Variants in PPFIA2 observed in about 807,000 individuals in gnomAD.
PPFIA2 encodes the protein PPFI scaffold protein A2, also known as liprin-alpha-2.
A neutral mutation model predicts 175.5 loss-of-function variants in PPFIA2; 46 were observed. The observed-to-expected ratio is 0.26, with a 90% CI of 0.21 to 0.34. PPFIA2 has a LOEUF of 0.34. Ranked by LOEUF, PPFIA2 falls within the 10% of genes least tolerant of loss-of-function variation. The pLI, the probability that PPFIA2 is intolerant of heterozygous loss-of-function variation, is 1.00. For synonymous variants in PPFIA2, 568 were observed against 511.4 expected, an observed-to-expected ratio of 1.11 and a Z score of -1.49; for missense variants, 1,179 against 1,506.1, an observed-to-expected ratio of 0.78 and a Z score of 3.60.
At chr12:81,460,346 T>TTG (rs1240822025) in intron 4 of PPFIA2, among the ~76,000 whole-genome samples, 1 of 152,116 alleles carries the variant, frequency 6.6e-6, no homozygotes, top group Non-Finnish European at 1.5e-5. Flanking sequence ...TCCACCATGA[T>TTG]TGTGTGGCCT....
chr12:81,631,521 T>C (rs1567642523), intron 4 of PPFIA2, among the ~76,000 whole-genome samples: 1 of 152,190 alleles, frequency 6.6e-6, no homozygotes, highest in Non-Finnish European at 1.5e-5. Context: ...TTGTATAAAA[T>C]TATAAATTCT....
intron 5 of PPFIA2, among the ~76,000 whole-genome samples, chr12:81,456,987 G>C (rs954248761): frequency 2.0e-5 from 3 of 148,838 alleles, no homozygotes; most frequent in African/African-American, 2.5e-5. Flanking sequence ...ACTATTTTTT[G>C]TTTCCTTTTT....
At chr12:81,504,274 T>C (rs1417149093) in intron 4 of PPFIA2, among the ~76,000 whole-genome samples, 1 of 152,036 alleles carries the variant, frequency 6.6e-6, no homozygotes, top group Non-Finnish European at 1.5e-5. Flanking sequence ...ATCTAGAATC[T>C]ACAAGGAACT....
At chr12:81,585,003 T>TATATATG (rs565999412) in intron 4 of PPFIA2, among the ~76,000 whole-genome samples, 6 of 113,950 alleles carry the variant, frequency 5.3e-5, no homozygotes, top group African/African-American at 1.8e-4. Context: ...TATAATATAT[T>TATATATG]AATTATATTT....
At chr12:81,280,341 A>G (rs2041785324) in intron 27 of PPFIA2, among the ~76,000 whole-genome samples, 1 of 152,164 alleles carries the variant, frequency 6.6e-6, no homozygotes, top group Non-Finnish European at 1.5e-5. Context: ...ATTTAATTCA[A>G]CAGTGTCAAC....
At chr12:81,619,887 C>T (rs1225798430) in intron 4 of PPFIA2, among the ~76,000 whole-genome samples, 2 of 152,054 alleles carry the variant, frequency 1.3e-5, no homozygotes, top group African/African-American at 2.4e-5. Flanking sequence ...AGGCCAGGCG[C>T]GGTGGCTCAC....
At chr12:81,465,776 T>A (rs1292189268) in intron 4 of PPFIA2, among the ~76,000 whole-genome samples, 2 of 152,258 alleles carry the variant, frequency 1.3e-5, no homozygotes, top group East Asian at 3.9e-4. Flanking sequence ...AACAAAAAGA[T>A]AATATATTTC....
At chr12:81,400,872 T>C (rs886306262) in intron 8 of PPFIA2, among the ~76,000 whole-genome samples, 4 of 152,152 alleles carry the variant, frequency 2.6e-5, no homozygotes, top group African/African-American at 9.7e-5. Context: ...TGTATGGTCA[T>C]TGAAGGATCA....
At chr12:81,404,792 C>T (rs2042644911) in intron 8 of PPFIA2, among the ~76,000 whole-genome samples, 1 of 152,010 alleles carries the variant, frequency 6.6e-6, no homozygotes, top group Non-Finnish European at 1.5e-5. Flanking sequence ...TTTTTCTAAC[C>T]ACATAAGTGA....
intron 5 of PPFIA2, among the ~76,000 whole-genome samples, chr12:81,456,387 T>C (rs1489658105): frequency 1.3e-5 from 2 of 152,182 alleles, no homozygotes; most frequent in Admixed American, 1.3e-4. Context: ...TATGCATGTA[T>C]GTGAATTCTC....
chr12:81,482,564 C>T (rs1260014983), intron 4 of PPFIA2, among the ~76,000 whole-genome samples: 1 of 151,980 alleles, frequency 6.6e-6, no homozygotes, highest in African/African-American at 2.4e-5. Context: ...GCCATAAAAA[C>T]GGATGAGTTC....
intron 4 of PPFIA2, among the ~76,000 whole-genome samples, chr12:81,517,471 T>G (rs2062602952): frequency 6.6e-6 from 1 of 152,146 alleles, no homozygotes; most frequent in Non-Finnish European, 1.5e-5. Context: ...TCCTCAAAGT[T>G]GCTGACGAGG....
At chr12:81,526,312 T>C (rs2063727642) in intron 4 of PPFIA2, among the ~76,000 whole-genome samples, 1 of 152,214 alleles carries the variant, frequency 6.6e-6, no homozygotes, top group Admixed American at 6.5e-5. Context: ...TGATTGCTAA[T>C]GCAGGCCAAT....
intron 31 of PPFIA2, among the ~76,000 whole-genome samples, chr12:81,262,343 A>G (rs538038377): frequency 5.3e-5 from 8 of 152,258 alleles, no homozygotes; most frequent in African/African-American, 1.9e-4. Context: ...AGAACTCATT[A>G]TAGTGGATTT....
At chr12:81,384,281 TTCA>T in intron 8 of PPFIA2, 37 bp from the exon 9 acceptor site, 1 of 1,289,166 alleles carries the variant, frequency 7.8e-7, no homozygotes, top group Non-Finnish European at 1.0e-6. Context: ...CTTAAGAATT[TTCA>T]TCTTTAATTT....
At chr12:81,600,467 C>T (rs1313104181) in intron 4 of PPFIA2, among the ~76,000 whole-genome samples, 1 of 151,780 alleles carries the variant, frequency 6.6e-6, no homozygotes, top group Admixed American at 6.6e-5. Flanking sequence ...TTTGCTGAAA[C>T]TATTTATTTC....
intron 3 of PPFIA2, among the ~76,000 whole-genome samples, chr12:81,682,037 A>C: frequency 6.6e-6 from 1 of 152,054 alleles, no homozygotes; most frequent in East Asian, 1.9e-4. Flanking sequence ...ATTGTCAATT[A>C]TGGGCATTTT....
At chr12:81,657,209 C>T (rs2067928518) in intron 4 of PPFIA2, among the ~76,000 whole-genome samples, 1 of 152,158 alleles carries the variant, frequency 6.6e-6, no homozygotes, top group Non-Finnish European at 1.5e-5. Flanking sequence ...ATGCTGCCGC[C>T]AATCTTCTGG....
intron 21 of PPFIA2, among the ~76,000 whole-genome samples, chr12:81,337,513 C>T (rs2057321197): frequency 6.6e-6 from 1 of 152,074 alleles, no homozygotes; most frequent in Non-Finnish European, 1.5e-5. Flanking sequence ...AGGTTCTATA[C>T]TTTTCTAGAC....
Sources: allele counts gnomAD v4.1 joint callset (sites outside exome capture counted in the v4.1 genomes callset), GRCh38; gene constraint gnomAD v4.1.1; transcripts MANE v1.5; gene names NCBI Gene and HGNC (gene_info 2026-07-23, HGNC 2026-07-21).